MMP20: variants seen among roughly 807,000 people sequenced by gnomAD.
The protein encoded by MMP20 is matrix metallopeptidase 20.
MMP20 carries 50 observed loss-of-function variants against 51.8 expected under a neutral mutation model. The ratio of observed to expected loss-of-function variants is 0.97; its 90% confidence interval spans 0.77 to 1.22. The LOEUF (loss-of-function observed/expected upper bound fraction) is 1.22. Ranked by LOEUF, MMP20 falls within the 50% of genes most tolerant of loss-of-function variation. MMP20 has a pLI of 0.00. For synonymous variants in MMP20, 244 were observed against 216.2 expected, an observed-to-expected ratio of 1.13 and a Z score of -1.13; for missense variants, 663 against 601.4, an observed-to-expected ratio of 1.10 and a Z score of -1.07.
At position 102,577,023 on chromosome 11, in the gene MMP20, CA is replaced by C. The variant is rs1352869082; in HGVS notation, c.*302del. On this transcript the variant is annotated 3_prime_UTR_variant, in exon 10 of 10. Transcript: ENST00000260228. ...TAGTCTTCCTCCTGGAAATAAAAAT[CA>C]AACGGATCAATCTGCTTCAGTATAT... is the stretch of plus-strand genomic sequence containing the variant. 6 of 322,972 alleles carry C rather than the reference CA, an allele frequency of 1.9e-5. No homozygotes were observed. The highest frequency in any genetic ancestry group is 1.3e-4 in the African/African-American group (6 of 46,968). The allele number at this position is 322,972 out of a possible 1,614,324, so 20.0% of individuals were successfully genotyped here. A position where few individuals can be genotyped will look rare whatever the true frequency, so the allele number is the denominator to read the frequency against.
At chr11:102,593,630 C>G in intron 7 of MMP20, 35 bp from the exon 8 acceptor site, 1 of 1,612,198 alleles carries the variant, frequency 6.2e-7, no homozygotes. Flanking sequence ...GAAAACTCTG[C>G]ACCACTTGGT....
intron 6 of MMP20, among the ~76,000 whole-genome samples, chr11:102,600,424 C>T (rs1859431616): frequency 6.6e-6 from 1 of 152,226 alleles, no homozygotes; most frequent in Non-Finnish European, 1.5e-5. Context: ...TTGTTATTAA[C>T]AAGCTTCTCA....
rs1859162486 is a variant in MMP20 at position 102,579,069 on chromosome 11, C to G, written c.1321G>C (p.Gly441Arg). ...NTEEEFSGVN[G>R]QIDAAVELNG... is the part of the protein sequence containing the mutation. ...AATTCTACAGCAGCATCGATTTGGC[C>G]ATTTACTCCTGAAAATTCTTCTTCA... The change falls in exon 9 of 10, where the codon GGC becomes CGC. Residue 441 changes from glycine to arginine, a missense_variant. Coordinates refer to ENST00000260228, the MANE Select transcript of MMP20 (RefSeq NM_004771.4). 3 of 1,613,302 alleles carry G rather than the reference C, an allele frequency of 1.9e-6. No homozygotes were observed. The South Asian group carries it at 3.3e-5, about 18-fold the overall frequency.
chr11:102,599,716 A>C (rs967262618), intron 6 of MMP20, among the ~76,000 whole-genome samples: 1 of 152,224 alleles, frequency 6.6e-6, no homozygotes, highest in African/African-American at 2.4e-5. Flanking sequence ...ACAAACTGTC[A>C]TGTCATTGGC....
intron 6 of MMP20, among the ~76,000 whole-genome samples, chr11:102,601,574 C>T (rs1213262638): frequency 1.3e-5 from 2 of 152,182 alleles, no homozygotes; most frequent in African/African-American, 4.8e-5. Flanking sequence ...TTCATCTCCA[C>T]ATCTTTAAAT....
At chr11:102,578,991 T>C (rs778259372) in intron 9 of MMP20, 48 bp downstream of exon 9, 2 of 1,380,416 alleles carry the variant, frequency 1.4e-6, no homozygotes, top group South Asian at 2.3e-5. Flanking sequence ...AAAGCCAAGA[T>C]TTCTTATGAT....
At chr11:102,614,813 A>C (rs1452741234) in intron 2 of MMP20, among the ~76,000 whole-genome samples, 1 of 151,920 alleles carries the variant, frequency 6.6e-6, no homozygotes, top group Admixed American at 6.6e-5. Context: ...GAAAAAAAAA[A>C]ACCCACTTGA....
chr11:102,585,517 T>C (rs915488392), intron 8 of MMP20, among the ~76,000 whole-genome samples: 11 of 152,232 alleles, frequency 7.2e-5, no homozygotes, highest in African/African-American at 2.6e-4. Flanking sequence ...TTCTCTAGGG[T>C]TTTTCTATAT....
intron 8 of MMP20, among the ~76,000 whole-genome samples, chr11:102,581,722 T>A (rs772145675): frequency 6.6e-6 from 1 of 152,162 alleles, no homozygotes. Flanking sequence ...AGACACAATG[T>A]TCAATGAAAA....
chr11:102,605,968 T>C (rs2135939801), intron 6 of MMP20, among the ~76,000 whole-genome samples: 1 of 152,260 alleles, frequency 6.6e-6, no homozygotes, highest in East Asian at 1.9e-4. Flanking sequence ...AAAGGAGCAG[T>C]TTCGGAAGAA....
chr11:102,601,506 CCTAGG>C (rs1407691114), intron 6 of MMP20, among the ~76,000 whole-genome samples: 1 of 152,142 alleles, frequency 6.6e-6, no homozygotes, highest in African/African-American at 2.4e-5. Flanking sequence ...TCTTCTATTT[CCTAGG>C]CTCATTCTTT....
At chr11:102,577,772 A>G (rs927677868) in intron 9 of MMP20, among the ~76,000 whole-genome samples, 11 of 152,180 alleles carry the variant, frequency 7.2e-5, no homozygotes, top group African/African-American at 2.7e-4. Flanking sequence ...TTCAAAACCC[A>G]TCTGAAGTCC....
At chr11:102,600,203 C>T (rs1260261125) in intron 6 of MMP20, among the ~76,000 whole-genome samples, 1 of 152,186 alleles carries the variant, frequency 6.6e-6, no homozygotes, top group Admixed American at 6.5e-5. Context: ...AAGACTTCCT[C>T]CTGTTCCATG....
At chr11:102,614,015 A>G (rs1859636243) in intron 2 of MMP20, among the ~76,000 whole-genome samples, 1 of 152,258 alleles carries the variant, frequency 6.6e-6, no homozygotes, top group East Asian at 1.9e-4. Flanking sequence ...TCCCCGAATC[A>G]GGGTCTGGAG....
intron 8 of MMP20, chr11:102,583,572 A>G (rs1175027636): frequency 2.0e-5 from 3 of 152,210 alleles, no homozygotes; most frequent in African/African-American, 7.2e-5. Context: ...GTAGTAAGCA[A>G]TACCATCTAG....
At position 102,606,681 on chromosome 11, in the gene MMP20, G is replaced by C; in HGVS notation, c.812-5C>G. ...CCAGGAATACTTTCCGAGGTCCTAG[G>C]ATTCAAAATGAGTTGGTCAAAATGG... On this transcript the variant is annotated splice_polypyrimidine_tract_variant and splice_region_variant and intron_variant, in intron 5 of 9. Transcript: ENST00000260228. 6.2e-7 allele frequency: 1 copy of C among 1,613,984 alleles called. No homozygotes were observed. The highest frequency in any genetic ancestry group is 8.5e-7 in the Non-Finnish European group (1 of 1,179,898).
chr11:102,606,692 A>G lies in MMP20; in HGVS notation c.812-16T>C. On this transcript the variant is annotated splice_polypyrimidine_tract_variant and intron_variant, in intron 5 of 9. Coordinates refer to ENST00000260228, the MANE Select transcript of MMP20 (RefSeq NM_004771.4). ...TTCCGAGGTCCTAGGATTCAAAATG[A>G]GTTGGTCAAAATGGTAACGGGAATT... 6.2e-7 allele frequency: 1 copy of G among 1,613,804 alleles called. No individual in the cohort carries two copies. The highest frequency in any genetic ancestry group is 1.1e-5 in the South Asian group (1 of 91,076).
intron 8 of MMP20, among the ~76,000 whole-genome samples, chr11:102,590,449 C>G (rs76262928): frequency 1.3e-5 from 2 of 152,106 alleles, no homozygotes; most frequent in Admixed American, 6.5e-5. Context: ...ATGGGTCCTC[C>G]CTTTTAGAGC....
intron 2 of MMP20, 105 bp downstream of exon 2, chr11:102,616,707 T>A: frequency 7.0e-7 from 1 of 1,419,122 alleles, no homozygotes; most frequent in Non-Finnish European, 9.8e-7. Flanking sequence ...GGTTGTGAGG[T>A]GTCAGGATTT....
Sources: allele counts gnomAD v4.1 joint callset (sites outside exome capture counted in the v4.1 genomes callset), GRCh38; gene constraint gnomAD v4.1.1; transcripts MANE v1.5; gene names NCBI Gene and HGNC (gene_info 2026-07-23, HGNC 2026-07-21).